Variants in NRP2 observed in about 807,000 individuals in gnomAD.
The protein encoded by NRP2 is neuropilin-2.
NRP2 carries 52 observed loss-of-function variants against 110.4 expected under a neutral mutation model. The ratio of observed to expected loss-of-function variants is 0.47; its 90% CI spans 0.38 to 0.59. The LOEUF (loss-of-function observed/expected upper bound fraction) is 0.59, where lower values mean the gene tolerates loss of function less well. NRP2 is among the 20% of genes least tolerant of loss of function. The pLI is 0.00. For synonymous variants in NRP2, 508 were observed against 468.9 expected, an observed-to-expected ratio of 1.08 and a Z score of -1.08; for missense variants, 1,049 against 1,203.0, an observed-to-expected ratio of 0.87 and a Z score of 1.89.
At chr2:205,700,786 T>G in intron 2 of NRP2, 1 of 517,950 alleles carries the variant, frequency 1.9e-6, no homozygotes, top group Non-Finnish European at 3.9e-6. Context: ...CCATCTCTGG[T>G]GAACTTCCCT....
At chr2:205,715,290 G>A (rs755680132) in intron 2 of NRP2, among the ~76,000 whole-genome samples, 11 of 152,198 alleles carry the variant, frequency 7.2e-5, no homozygotes, top group Non-Finnish European at 1.6e-4. Context: ...TCCCATGAAC[G>A]GAGCCAAGGG....
intron 7 of NRP2, among the ~76,000 whole-genome samples, chr2:205,736,243 G>A (rs1490666929): frequency 3.9e-5 from 6 of 152,214 alleles, no homozygotes; most frequent in African/African-American, 1.4e-4. Flanking sequence ...TAGGGAGGCT[G>A]AGGCAGGAGA....
intron 12 of NRP2, among the ~76,000 whole-genome samples, chr2:205,760,208 C>A (rs1223945712): frequency 6.6e-6 from 1 of 152,142 alleles, no homozygotes; most frequent in Non-Finnish European, 1.5e-5. Context: ...CATTCCTTTC[C>A]CCCTGCTCTT....
intron 15 of NRP2, among the ~76,000 whole-genome samples, chr2:205,769,573 T>C (rs1257979901): frequency 6.8e-6 from 1 of 147,900 alleles, no homozygotes; most frequent in African/African-American, 2.5e-5. Flanking sequence ...GAGTCAGTAA[T>C]GAAGAAAAGC....
intron 7 of NRP2, among the ~76,000 whole-genome samples, chr2:205,736,123 C>G (rs1435836557): frequency 2.6e-5 from 4 of 152,196 alleles, no homozygotes; most frequent in African/African-American, 9.7e-5. Context: ...AGGTGTATCA[C>G]TTGAGGTCAG....
At chr2:205,684,292 A>G (rs2056091902) in intron 1 of NRP2, among the ~76,000 whole-genome samples, 1 of 152,128 alleles carries the variant, frequency 6.6e-6, no homozygotes, top group Admixed American at 6.5e-5. Context: ...CTCTAGAGTG[A>G]GCCTCCCTAC....
intron 15 of NRP2, among the ~76,000 whole-genome samples, chr2:205,770,800 G>A (rs2058009903): frequency 6.6e-6 from 1 of 152,112 alleles, no homozygotes; most frequent in Non-Finnish European, 1.5e-5. Context: ...GCCAGATTAA[G>A]GCTAGGTGTT....
At chr2:205,738,974 C>T (rs1049374161) in intron 7 of NRP2, among the ~76,000 whole-genome samples, 3 of 152,182 alleles carry the variant, frequency 2.0e-5, no homozygotes, top group Non-Finnish European at 4.4e-5. Flanking sequence ...TAACTTTTAA[C>T]CTTAGCAAGC....
intron 12 of NRP2, among the ~76,000 whole-genome samples, chr2:205,754,295 A>C (rs973902623): frequency 6.6e-6 from 1 of 152,142 alleles, no homozygotes; most frequent in Non-Finnish European, 1.5e-5. Flanking sequence ...CACCCCAAGC[A>C]CTGGCGTGTC....
chr2:205,722,143 TC>T, intron 3 of NRP2: 2 of 310,734 alleles, frequency 6.4e-6, no homozygotes, highest in Admixed American at 4.7e-5. Context: ...TTCAAGAGAA[TC>T]CCTCTCTCTC....
chr2:205,723,196 A>G (rs192848015), intron 4 of NRP2, among the ~76,000 whole-genome samples: 3 of 152,350 alleles, frequency 2.0e-5, no homozygotes, highest in East Asian at 3.9e-4. Flanking sequence ...TAATATAGTC[A>G]TAAATATTGA....
At chr2:205,722,214 T>A in intron 3 of NRP2, 12 of 475,162 alleles carry the variant, frequency 2.5e-5, no homozygotes, top group East Asian at 8.1e-5. Flanking sequence ...CACACACACT[T>A]CTCTGTACCT....
Position 205,796,387 on chromosome 2 carries a change from G to A in NRP2, c.*1329G>A, listed in dbSNP as rs2058351985. 1 of 152,528 alleles carries A rather than the reference G, an allele frequency of 6.6e-6. No homozygotes were observed. Among genetic ancestry groups the A allele is most frequent in the Non-Finnish European group, 1.5e-5 (1 of 68,060 alleles). 9.4% of individuals were successfully genotyped at this position (152,528 alleles called of 1,614,324 possible). On this transcript the variant is annotated 3_prime_UTR_variant, in exon 17 of 17. Transcript: ENST00000357785. ...TGCTGCTTCAGCCTTGAGAGACCTA[G>A]GTTCTTACACATATGCACACACGCA...
chr2:205,759,681 C>T (rs532009214), intron 12 of NRP2: 26 of 152,224 alleles, frequency 1.7e-4, no homozygotes, highest in Non-Finnish European at 2.9e-4. Flanking sequence ...TTACTGCCCT[C>T]ATGCCAAACA....
rs1273239351 is a variant in NRP2, at chr2:205,722,847, C to T, written c.664+139C>T. 4.3e-6 allele frequency: 3 copies of T among 702,114 alleles called. No individual in the cohort carries two copies. The East Asian group carries it at 8.1e-5, about 19-fold the overall frequency. The allele number at this position is 702,114 out of a possible 1,614,324, so 43.5% of individuals were successfully genotyped here. Reference sequence around the variant, plus strand: ...CCCATGGTGACTTTCTCTTCTTCCCCTTCACTAAGGATAGCTTGAGAGAAA... The same window carrying T: ...CCCATGGTGACTTTCTCTTCTTCCCTTTCACTAAGGATAGCTTGAGAGAAA... On this transcript the variant is annotated intron_variant, in intron 4 of 16. Coordinates refer to ENST00000357785, the MANE Select transcript of NRP2 (RefSeq NM_003872.3).
intron 2 of NRP2, among the ~76,000 whole-genome samples, chr2:205,714,903 G>A (rs961360826): frequency 3.3e-5 from 5 of 152,156 alleles, no homozygotes; most frequent in Admixed American, 1.3e-4. Context: ...CACTCCTTCC[G>A]GCAGCCGGCA....
Position 205,763,928 on chromosome 2 carries a change from G to A in NRP2, c.2299G>A (p.Glu767Lys). Residue 767 changes from glutamate to lysine, a missense_variant, in exon 13 of 17, where the codon GAG becomes AAG. Physicochemically the swap from Glu to Lys is moderately conservative, Grantham distance 56. Transcript: ENST00000357785. The surrounding 1 kb of genome is among the most constrained non-coding windows in gnomAD (Gnocchi z 4.0). ...GATCATCCTGCCCAGCTACGACATGGAGTACCAGGTGGGGTGAGCAAAAAG... is the reference window on the plus strand; with the variant it reads ...GATCATCCTGCCCAGCTACGACATGAAGTACCAGGTGGGGTGAGCAAAAAG... ...GRIILPSYDM[E>K]YQIVFEGVIG... is the part of the protein sequence containing the mutation. 2 of 1,614,084 alleles carry A rather than the reference G, an allele frequency of 1.2e-6. No homozygotes were observed. The highest frequency in any genetic ancestry group is 4.5e-5 in the East Asian group (2 of 44,874).
chr2:205,722,264 TA>T, intron 3 of NRP2: 1 of 574,208 alleles, frequency 1.7e-6, no homozygotes, highest in Admixed American at 2.7e-5. Flanking sequence ...GCTCTCACTC[TA>T]ATAATTATGT....
chr2:205,716,213 G>A lies in NRP2; in HGVS notation c.272G>A (p.Arg91Gln). The A allele has an allele frequency of 1.2e-6, 2 of 1,614,138 alleles. No individual in the cohort carries two copies. Among genetic ancestry groups the A allele is most frequent in the South Asian group, 2.2e-5 (2 of 91,068 alleles). Residue 91 changes from arginine to glutamine, a missense_variant, in exon 3 of 17, where the codon CGG becomes CAG. Coordinates refer to ENST00000357785, the MANE Select transcript of NRP2 (RefSeq NM_003872.3). ...CCCAGGTATGACTTTATCGAGATTCGGGATGGGGACAGTGAATCCGCAGAC... is the reference window on the plus strand; with the variant it reads ...CCCAGGTATGACTTTATCGAGATTCAGGATGGGGACAGTGAATCCGCAGAC... ...HDCKYDFIEI[R>Q]DGDSESADLL...
Sources: allele counts gnomAD v4.1 joint callset (sites outside exome capture counted in the v4.1 genomes callset), GRCh38; gene constraint gnomAD v4.1.1; non-coding constraint Gnocchi (gnomAD v3.1); transcripts MANE v1.5; gene names NCBI Gene and HGNC (gene_info 2026-07-23, HGNC 2026-07-21).